Variants in MECOM observed in about 807,000 individuals in gnomAD.
MECOM encodes the protein MDS1 and EVI1 complex locus, also known as histone-lysine N-methyltransferase MECOM.
A neutral mutation model predicts 116.3 loss-of-function variants in MECOM; 13 were observed. The ratio of observed to expected loss-of-function variants is 0.11; its 90% CI spans 0.07 to 0.18. The LOEUF is 0.18. Among genes scored for constraint, MECOM ranks in the 10% least tolerant of loss-of-function variants. The probability of loss-of-function intolerance (pLI) is 1.00; values close to 1 mark genes in which losing one functional copy is unlikely to be tolerated. For missense variants in MECOM, 1,299 were observed against 1,509.0 expected (o/e 0.86, Z 2.31); for synonymous variants, 528 against 535.2 (o/e 0.99, Z 0.19).
intron 1 of MECOM, among the ~76,000 whole-genome samples, chr3:169,552,166 A>G (rs1167550092): frequency 6.7e-6 from 1 of 149,654 alleles, no homozygotes; most frequent in Non-Finnish European, 1.5e-5. Context: ...TATACTTTAA[A>G]AAGGTATTTT....
At chr3:169,544,640 A>T (rs888088423) in intron 1 of MECOM, among the ~76,000 whole-genome samples, 12 of 152,210 alleles carry the variant, frequency 7.9e-5, no homozygotes, top group Non-Finnish European at 1.6e-4. Flanking sequence ...TCAATGACAG[A>T]CTGGATAAAG....
At chr3:169,437,900 TC>T (rs1742936460) in intron 1 of MECOM, among the ~76,000 whole-genome samples, 1 of 152,160 alleles carries the variant, frequency 6.6e-6, no homozygotes, top group African/African-American at 2.4e-5. Flanking sequence ...TGCATAAAAA[TC>T]TCATCCTCCT....
chr3:169,113,475 A>G (rs1728105284), intron 8 of MECOM, among the ~76,000 whole-genome samples: 1 of 151,480 alleles, frequency 6.6e-6, no homozygotes, highest in African/African-American at 2.4e-5. Flanking sequence ...GAGAGAGAAT[A>G]TATGCTCTTT....
At chr3:169,165,390 A>G (rs1743427253) in intron 2 of MECOM, among the ~76,000 whole-genome samples, 1 of 152,196 alleles carries the variant, frequency 6.6e-6, no homozygotes, top group South Asian at 2.1e-4. Flanking sequence ...AGCCATCTAT[A>G]GCATACCAGA....
At chr3:169,598,078 T>C (rs1767351111) in intron 1 of MECOM, among the ~76,000 whole-genome samples, 1 of 152,196 alleles carries the variant, frequency 6.6e-6, no homozygotes, top group South Asian at 2.1e-4. Context: ...TCAACCTTTC[T>C]GGATCTTCAA....
At chr3:169,165,419 G>A (rs1418883882) in intron 2 of MECOM, among the ~76,000 whole-genome samples, 1 of 152,102 alleles carries the variant, frequency 6.6e-6, no homozygotes, top group Non-Finnish European at 1.5e-5. Context: ...ATTAGTCTAT[G>A]TTTTTCATCA....
intron 2 of MECOM, among the ~76,000 whole-genome samples, chr3:169,336,444 TA>T (rs1190030706): frequency 2.0e-5 from 3 of 152,134 alleles, no homozygotes; most frequent in East Asian, 1.9e-4. Flanking sequence ...AAAGTTACAC[TA>T]TTTTTTTTTT....
intron 1 of MECOM, among the ~76,000 whole-genome samples, chr3:169,387,132 C>G (rs559978124): frequency 6.6e-6 from 1 of 152,088 alleles, no homozygotes; most frequent in African/African-American, 2.4e-5. Flanking sequence ...GTGATTTTTA[C>G]ATTTTTCTTA....
chr3:169,451,737 A>C (rs1745636277), intron 1 of MECOM, among the ~76,000 whole-genome samples: 1 of 152,160 alleles, frequency 6.6e-6, no homozygotes. Flanking sequence ...TCTATGTAAA[A>C]TACAGTTTAC....
chr3:169,197,427 C>G (rs1239993877), intron 2 of MECOM, among the ~76,000 whole-genome samples: 1 of 151,936 alleles, frequency 6.6e-6, no homozygotes, highest in Non-Finnish European at 1.5e-5. Context: ...TCCCAGTCTA[C>G]TTTGGTTGGT....
chr3:169,089,227 G>A lies in MECOM; in HGVS notation c.3402-44C>T, dbSNP rs193230614. On this transcript the variant is annotated intron_variant, in intron 15 of 16. Transcript: ENST00000651503. ...AAACACAGAAATTTTCTTTTCATTTGTTATCTAATCAAATCACTTTCATTT... is the reference window on the plus strand; with the variant it reads ...AAACACAGAAATTTTCTTTTCATTTATTATCTAATCAAATCACTTTCATTT... The A allele has an allele frequency of 3.9e-5, 53 of 1,363,548 alleles. No homozygotes were observed. In the South Asian group the frequency reaches 8.0e-4, roughly 21 times the overall value. 84.5% of individuals were successfully genotyped at this position (1,363,548 alleles called of 1,614,324 possible). A position where few individuals can be genotyped will look rare whatever the true frequency, so the allele number is the denominator to read the frequency against.
rs552937479 is a variant in MECOM, at chr3:169,417,013, A to G, written c.38-35489T>C. Among the ~76,000 whole-genome samples, 766 of 152,150 alleles carry G rather than the reference A, an allele frequency of 5.0e-3. 3 individuals carry two copies. The highest frequency in any genetic ancestry group is 9.0e-3 in the Non-Finnish European group (611 of 67,992). On this transcript the variant is annotated intron_variant, in intron 1 of 16. Coordinates refer to ENST00000651503, the MANE Select transcript of MECOM (RefSeq NM_004991.4). ...TAAAACCATAAAAACCCTAGAAGAA[A>G]ACCTAGGCATTACCATTCAGGACAT... is the stretch of plus-strand genomic sequence containing the variant.
At chr3:169,402,571 G>A (rs780304642) in intron 1 of MECOM, among the ~76,000 whole-genome samples, 13 of 152,124 alleles carry the variant, frequency 8.5e-5, no homozygotes, top group Non-Finnish European at 1.5e-4. Context: ...CAGGAGAATC[G>A]CTTGAACCCT....
intron 1 of MECOM, among the ~76,000 whole-genome samples, chr3:169,658,594 C>T (rs913589411): frequency 2.6e-5 from 4 of 152,220 alleles, no homozygotes; most frequent in African/African-American, 9.6e-5. Flanking sequence ...GAGCCCTGAG[C>T]TGAGCAGCCT....
chr3:169,484,173 C>T (rs1198163187), intron 1 of MECOM: 2 of 631,808 alleles, frequency 3.2e-6, no homozygotes, highest in Non-Finnish European at 5.6e-6. Context: ...TTTGCCCAAT[C>T]CCATTACTGC....
At chr3:169,565,311 A>G (rs1763104870) in intron 1 of MECOM, among the ~76,000 whole-genome samples, 1 of 152,204 alleles carries the variant, frequency 6.6e-6, no homozygotes, top group Admixed American at 6.5e-5. Flanking sequence ...GAATGGTGTC[A>G]GAAAGCCCAA....
At chr3:169,488,054 A>G (rs7340645) in intron 1 of MECOM, among the ~76,000 whole-genome samples, 139,868 of 152,142 alleles carry the variant, frequency 0.92, 64,398 homozygotes, top group African/African-American at 0.96. Flanking sequence ...TTCCAAAAGC[A>G]TGAAGCAAAA....
chr3:169,381,596 T>C, intron 1 of MECOM, 72 bp from the exon 2 acceptor site: 1 of 1,148,306 alleles, frequency 8.7e-7, no homozygotes, highest in Non-Finnish European at 1.2e-6. Flanking sequence ...GGTAGCCACC[T>C]TATTATGTTG....
intron 1 of MECOM, among the ~76,000 whole-genome samples, chr3:169,528,752 ACT>A (rs1348964690): frequency 3.9e-5 from 6 of 152,206 alleles, no homozygotes; most frequent in African/African-American, 1.2e-4. Context: ...CTTTCAAAGA[ACT>A]GGTTTGCGTT....
Sources: gnomAD v4.1 joint callset for allele counts (sites outside exome capture counted in the v4.1 genomes callset) on GRCh38, gnomAD v4.1.1 for gene constraint, MANE v1.5 for transcripts, NCBI Gene and HGNC (gene_info 2026-07-23, HGNC 2026-07-21) for gene names.